The following SYNPR variants were observed in gnomAD, a reference collection of about 807,000 sequenced individuals.
SYNPR encodes the protein synaptoporin.
A neutral mutation model predicts 32.9 loss-of-function variants in SYNPR; 23 were observed. The observed-to-expected ratio is 0.70, with a 90% CI of 0.50 to 0.99. SYNPR has a LOEUF of 0.99. SYNPR is among the 50% of genes least tolerant of loss of function. SYNPR has a pLI of 0.00. For synonymous variants in SYNPR, 146 were observed against 135.9 expected, an observed-to-expected ratio of 1.07 and a Z score of -0.52; for missense variants, 318 against 349.3, an observed-to-expected ratio of 0.91 and a Z score of 0.71.
At chr3:63,217,675 C>T in the SYNPR span, among the ~76,000 whole-genome samples, 10 of 151,738 alleles carry the variant, frequency 6.6e-5, no homozygotes, top group South Asian at 8.4e-4. Context: ...TCTTCTGCGT[C>T]GCTCACGCTG....
chr3:63,494,446 T>TACAC (rs1553641163), intron 3 of SYNPR, among the ~76,000 whole-genome samples: 36 of 106,870 alleles, frequency 3.4e-4, no homozygotes, highest in Admixed American at 2.5e-3. Context: ...TATATATATA[T>TACAC]ACACATATAT....
chr3:63,240,453 T>C (rs2086232198), intron 1 of SYNPR, among the ~76,000 whole-genome samples: 1 of 152,088 alleles, frequency 6.6e-6, no homozygotes, highest in African/African-American at 2.4e-5. Context: ...CTGTGGCTAA[T>C]GATCTGTGCT....
intron 4 of SYNPR, among the ~76,000 whole-genome samples, chr3:63,589,035 T>G: frequency 6.6e-6 from 1 of 152,102 alleles, no homozygotes; most frequent in Non-Finnish European, 1.5e-5. Flanking sequence ...AGTATCAACA[T>G]GCATTTTTCC....
At chr3:63,486,617 A>T (rs1184791980) in intron 3 of SYNPR, among the ~76,000 whole-genome samples, 1 of 152,216 alleles carries the variant, frequency 6.6e-6, no homozygotes, top group Admixed American at 6.5e-5. Flanking sequence ...GTGTGAGAAC[A>T]TTACCATCTT....
At chr3:63,245,170 T>G (rs1312132774) in intron 1 of SYNPR, among the ~76,000 whole-genome samples, 2 of 152,106 alleles carry the variant, frequency 1.3e-5, no homozygotes, top group African/African-American at 4.8e-5. Flanking sequence ...GATGCCAGTG[T>G]CAAATCTCTG....
chr3:63,584,132 G>C (rs1703141887), intron 4 of SYNPR, among the ~76,000 whole-genome samples: 1 of 152,062 alleles, frequency 6.6e-6, no homozygotes, highest in South Asian at 2.1e-4. Context: ...AGATCAGTTA[G>C]TTTCTGGTGT....
intron 4 of SYNPR, among the ~76,000 whole-genome samples, chr3:63,582,294 G>A (rs1183559737): frequency 6.6e-6 from 1 of 152,058 alleles, no homozygotes; most frequent in Non-Finnish European, 1.5e-5. Context: ...CTCTTTATGA[G>A]TAAGAATATC....
chr3:63,305,148 G>C (rs531607051), intron 2 of SYNPR, among the ~76,000 whole-genome samples: 18 of 152,082 alleles, frequency 1.2e-4, no homozygotes, highest in African/African-American at 4.3e-4. Context: ...AAAGACTAAA[G>C]CCTCCAGGCA....
chr3:63,567,056 T>C (rs1702801771), intron 4 of SYNPR, among the ~76,000 whole-genome samples: 1 of 152,170 alleles, frequency 6.6e-6, no homozygotes, highest in Non-Finnish European at 1.5e-5. Flanking sequence ...TGTTCTTCTA[T>C]ATTATTTTTT....
intron 2 of SYNPR, among the ~76,000 whole-genome samples, chr3:63,460,296 A>G (rs938341327): frequency 1.2e-4 from 19 of 152,160 alleles, no homozygotes; most frequent in African/African-American, 4.6e-4. Flanking sequence ...CCTCAAATAC[A>G]CCAGGATCCA....
At chr3:63,223,286 G>C in the SYNPR span, among the ~76,000 whole-genome samples, 1 of 133,946 alleles carries the variant, frequency 7.5e-6, no homozygotes, top group Non-Finnish European at 1.7e-5. Flanking sequence ...GTCTACCAAA[G>C]ACCCTGAGGT....
intron 2 of SYNPR, chr3:63,452,059 C>T (rs778867661): frequency 5.7e-6 from 4 of 702,088 alleles, no homozygotes; most frequent in Non-Finnish European, 1.0e-5. Flanking sequence ...CTCCCACTGC[C>T]TTCACACTCA....
Position 63,330,482 on chromosome 3 carries a change from C to T in SYNPR, c.84+51740C>T, listed in dbSNP as rs542067936. Among the ~76,000 whole-genome samples, 8 of 152,020 alleles carry T rather than the reference C, an allele frequency of 5.3e-5. No individual in the cohort carries two copies. In the South Asian group the frequency reaches 1.7e-3, roughly 32 times the overall value. ...TTTATTTATAGAAAGAGTCTCACCT[C>T]ATGCAGCCACGGGTTCAAGTTTAAG... On this transcript the variant is annotated intron_variant, in intron 2 of 5. Coordinates refer to ENST00000478300, the MANE Select transcript of SYNPR (RefSeq NM_001130003.2).
At chr3:63,541,311 C>A (rs886967097) in intron 3 of SYNPR, among the ~76,000 whole-genome samples, 6 of 151,804 alleles carry the variant, frequency 4.0e-5, no homozygotes, top group Admixed American at 2.0e-4. Context: ...AGAAGACATT[C>A]CTCTAATTGC....
At chr3:63,269,765 A>G (rs2086518294) in intron 3 of SYNPR, among the ~76,000 whole-genome samples, 1 of 152,154 alleles carries the variant, frequency 6.6e-6, no homozygotes, top group Admixed American at 6.5e-5. Flanking sequence ...AGTTTGTTGC[A>G]TTCTACATTT....
rs539839405 is a variant in SYNPR, at chr3:63,264,735, A to G, written n.155-2582A>G. Among the ~76,000 whole-genome samples, 8 of 152,332 alleles carry G rather than the reference A, an allele frequency of 5.3e-5. No individual in the cohort carries two copies. In the East Asian group the frequency reaches 1.5e-3, roughly 29 times the overall value. ...AGGTTCAATTGACTCACAGTTCTGC[A>G]TGGCTGTGGAGGCCTCAGGAAACTT... On this transcript the variant is annotated intron_variant and non_coding_transcript_variant, in intron 2 of 4. Transcript: ENST00000478456.
chr3:63,474,538 A>G (rs1321641691), intron 2 of SYNPR, among the ~76,000 whole-genome samples: 1 of 152,140 alleles, frequency 6.6e-6, no homozygotes, highest in African/African-American at 2.4e-5. Context: ...CCAAGTGAGT[A>G]CCTTGGTGGC....
chr3:63,355,472 C>T (rs6807553), intron 2 of SYNPR, among the ~76,000 whole-genome samples: 80,415 of 151,892 alleles, frequency 0.53, 22,564 homozygotes, highest in East Asian at 0.78. Context: ...GATTGTTCCA[C>T]GTCCTCATGG....
intron 3 of SYNPR, among the ~76,000 whole-genome samples, chr3:63,270,745 A>C (rs146059357): frequency 6.6e-6 from 1 of 152,324 alleles, no homozygotes; most frequent in African/African-American, 2.4e-5. Flanking sequence ...TCATAGTGTT[A>C]TAAGGAGCTT....
Sources: gnomAD v4.1 joint callset for allele counts (sites outside exome capture counted in the v4.1 genomes callset) on GRCh38, gnomAD v4.1.1 for gene constraint, MANE v1.5 for transcripts, NCBI Gene and HGNC (gene_info 2026-07-23, HGNC 2026-07-21) for gene names.